The following SRSF12 variants were observed in gnomAD, a reference collection of about 807,000 sequenced individuals.
The protein encoded by SRSF12 is serine and arginine rich splicing factor 12.
A neutral mutation model predicts 34.1 loss-of-function variants in SRSF12; 21 were observed. The ratio of observed to expected loss-of-function variants is 0.62; its 90% CI spans 0.44 to 0.89. The LOEUF (loss-of-function observed/expected upper bound fraction) is 0.89. Ranked by LOEUF, SRSF12 falls within the 40% of genes least tolerant of loss-of-function variation. The probability of loss-of-function intolerance (pLI) is 0.00; values close to 1 mark genes in which losing one functional copy is unlikely to be tolerated. For synonymous variants in SRSF12, 111 were observed against 110.8 expected, an observed-to-expected ratio of 1.00 and a Z score of -0.01; for missense variants, 278 against 327.8, an observed-to-expected ratio of 0.85 and a Z score of 1.17.
chr6:89,108,579 G>T (rs1318394583), intron 1 of SRSF12, among the ~76,000 whole-genome samples: 1 of 152,176 alleles, frequency 6.6e-6, no homozygotes. Flanking sequence ...TGTGGCTCGG[G>T]AGAAATAAAG....
In SRSF12 at chr6:89,105,140, C is replaced by G; in HGVS notation, c.395G>C (p.Arg132Thr). 2 of 1,612,670 alleles carry G rather than the reference C, an allele frequency of 1.2e-6. No individual in the cohort carries two copies. The highest frequency in any genetic ancestry group is 1.1e-5 in the South Asian group (1 of 90,872). Residue 132 changes from arginine (R) to threonine (T), a missense_variant, in exon 4 of 5, where the codon AGG (arginine) becomes ACG (threonine). By Grantham distance (71) the Arg-to-Thr change is moderately conservative (BLOSUM62 -1). Transcript: ENST00000452027. ...SRSSSWGRNR[R>T]RSDSLKESRH... is the part of the protein sequence containing the mutation. ...TCACTCTTTAAGGCTGTCTGACCGC[C>G]TCCTATTTCTTCCCCATGAAGAACT... is the stretch of plus-strand genomic sequence containing the variant.
At chr6:89,107,106 G>A (rs775752730) in intron 2 of SRSF12, 48 bp downstream of exon 2, 1 of 1,453,858 alleles carries the variant, frequency 6.9e-7, no homozygotes, top group Non-Finnish European at 9.7e-7. Flanking sequence ...ATATGTATAA[G>A]CACGCATATA....
chr6:89,111,776 A>T (rs1050957137), intron 1 of SRSF12, among the ~76,000 whole-genome samples: 6 of 152,128 alleles, frequency 3.9e-5, no homozygotes, highest in Non-Finnish European at 8.8e-5. Flanking sequence ...TTTATAGCTG[A>T]CATTTATTAG....
chr6:89,105,143 C>T lies in SRSF12; in HGVS notation c.392G>A (p.Arg131Lys). The change falls in exon 4 of 5, where the codon AGG becomes AAG. Residue 131 changes from arginine (R) to lysine (K), a missense_variant. By Grantham distance (26) the Arg-to-Lys change is conservative. Coordinates refer to ENST00000452027, the MANE Select transcript of SRSF12 (RefSeq NM_080743.5). The part of the protein sequence containing the change: ...RSRSSSWGRN[R>K]RRSDSLKESR... ...CTCTTTAAGGCTGTCTGACCGCCTC[C>T]TATTTCTTCCCCATGAAGAACTTCT... 6.2e-7 allele frequency: 1 copy of T among 1,612,630 alleles called. No homozygotes were observed. Among genetic ancestry groups the T allele is most frequent in the Non-Finnish European group, 8.5e-7 (1 of 1,179,132 alleles).
At position 89,098,598 on chromosome 6, in the gene SRSF12, G is replaced by T; in HGVS notation, c.766C>A (p.Arg256Ser). The T allele has an allele frequency of 6.2e-7, 1 of 1,611,284 alleles. No homozygotes were observed. Among genetic ancestry groups the T allele is most frequent in the South Asian group, 1.1e-5 (1 of 90,874 alleles). ...GCTGTTCACCAACTGTTTTTATGAC[G>T]ATAACTTCGAGATCTGGAATGTGAC... ...FRSHSRSRSY[R>S]HKNSW Residue 256 changes from arginine to serine, a missense_variant, in exon 5 of 5, where the codon CGT becomes AGT. Physicochemically the swap from Arg to Ser is moderately radical, Grantham distance 110 (BLOSUM62 -1). Coordinates refer to ENST00000452027, the MANE Select transcript of SRSF12 (RefSeq NM_080743.5).
In SRSF12 at chr6:89,105,206, C is replaced by A; in HGVS notation, c.329G>T (p.Arg110Met). ...ERHPCSPSDH[R>M]RSRSPSQRRT... is the part of the protein sequence containing the mutation. Reference sequence around the variant, plus strand: ...TCTTTGGCTGGGGCTTCTTGATCTCCTGTGATCACTTGGAGAACAAGGATG... The same window carrying A: ...TCTTTGGCTGGGGCTTCTTGATCTCATGTGATCACTTGGAGAACAAGGATG... The change falls in exon 4 of 5, where the codon AGG becomes ATG. Residue 110 changes from arginine (R) to methionine (M), a missense_variant. Transcript: ENST00000452027. 3 of 1,612,364 alleles carry A rather than the reference C, an allele frequency of 1.9e-6. No homozygotes were observed. Among genetic ancestry groups the A allele is most frequent in the Non-Finnish European group, 2.5e-6 (3 of 1,179,040 alleles).
At chr6:89,115,533 C>T (rs922490219) in intron 1 of SRSF12, among the ~76,000 whole-genome samples, 3 of 152,098 alleles carry the variant, frequency 2.0e-5, no homozygotes, top group African/African-American at 7.2e-5. Context: ...CCGCCGAACT[C>T]GGTCTCCTAA....
chr6:89,113,785 G>T (rs934748842), intron 1 of SRSF12, among the ~76,000 whole-genome samples: 1 of 152,066 alleles, frequency 6.6e-6, no homozygotes, highest in South Asian at 2.1e-4. Flanking sequence ...CTGAACTACA[G>T]GTGCGCACTA....
At position 89,098,416 on chromosome 6, in the gene SRSF12, C is replaced by A; in HGVS notation, c.*162G>T. Reference sequence around the variant, plus strand: ...TAGTGTGGGCCCTTTAAATGGAGACCAAATTTTTATTAATCCAAAGCTAGA... The same window carrying A: ...TAGTGTGGGCCCTTTAAATGGAGACAAAATTTTTATTAATCCAAAGCTAGA... On this transcript the variant is annotated 3_prime_UTR_variant, in exon 5 of 5. Coordinates refer to ENST00000452027, the MANE Select transcript of SRSF12 (RefSeq NM_080743.5). The A allele has an allele frequency of 1.1e-6, 1 of 928,948 alleles. No individual in the cohort carries two copies. Among genetic ancestry groups the A allele is most frequent in the Non-Finnish European group, 1.5e-6 (1 of 675,994 alleles). 57.5% of individuals were successfully genotyped at this position (928,948 alleles called of 1,614,324 possible). A position where few individuals can be genotyped will look rare whatever the true frequency, so the allele number is the denominator to read the frequency against.
intron 4 of SRSF12, among the ~76,000 whole-genome samples, chr6:89,101,917 G>A (rs1460410398): frequency 6.6e-6 from 1 of 150,874 alleles, no homozygotes; most frequent in Non-Finnish European, 1.5e-5. Flanking sequence ...GATGTTTTCA[G>A]ACAAAAGCTG....
At chr6:89,103,962 C>T (rs1202929406) in intron 4 of SRSF12, among the ~76,000 whole-genome samples, 4 of 150,116 alleles carry the variant, frequency 2.7e-5, no homozygotes, top group Non-Finnish European at 5.9e-5. Context: ...TTTAGTCAAC[C>T]ACCTTTCACA....
At chr6:89,104,222 C>A (rs1388400971) in intron 4 of SRSF12, among the ~76,000 whole-genome samples, 1 of 77,724 alleles carries the variant, frequency 1.3e-5, no homozygotes, top group Non-Finnish European at 2.7e-5. Context: ...AAACTCATCA[C>A]CTTTTTTTTT....
Position 89,098,308 on chromosome 6 carries a change from A to T in SRSF12, c.*270T>A, listed in dbSNP as rs1659968882. On this transcript the variant is annotated 3_prime_UTR_variant, in exon 5 of 5. Coordinates refer to ENST00000452027, the MANE Select transcript of SRSF12 (RefSeq NM_080743.5). ...TTTAAAAATTAGTTCCAGTTTACTCATTTCCCTTGAAAAGTACCCTTCTGC... is the reference window on the plus strand; with the variant it reads ...TTTAAAAATTAGTTCCAGTTTACTCTTTTCCCTTGAAAAGTACCCTTCTGC... 2 of 304,556 alleles carry T rather than the reference A, an allele frequency of 6.6e-6. No homozygotes were observed. The allele number at this position is 304,556 out of a possible 1,614,324, so 18.9% of individuals were successfully genotyped here.
intron 1 of SRSF12, among the ~76,000 whole-genome samples, chr6:89,110,851 G>T (rs1192106847): frequency 1.3e-5 from 2 of 152,088 alleles, no homozygotes; most frequent in Non-Finnish European, 2.9e-5. Flanking sequence ...CATGGTGGCT[G>T]ATACCTGCAA....
chr6:89,113,375 T>C (rs1334093875), intron 1 of SRSF12, among the ~76,000 whole-genome samples: 1 of 152,198 alleles, frequency 6.6e-6, no homozygotes, highest in Non-Finnish European at 1.5e-5. Context: ...GGTTTCACCA[T>C]ATTGGCCAGG....
intron 4 of SRSF12, among the ~76,000 whole-genome samples, chr6:89,102,295 C>A (rs7776100): frequency 0.063 from 9,540 of 152,010 alleles, 869 homozygotes; most frequent in African/African-American, 0.2. Flanking sequence ...AGGCACGTGC[C>A]ACCATACCTG....
In SRSF12 at chr6:89,098,542, A is replaced by G. The variant is rs769970832; in HGVS notation, c.*36T>C. On this transcript the variant is annotated 3_prime_UTR_variant, in exon 5 of 5. Coordinates refer to ENST00000452027, the MANE Select transcript of SRSF12 (RefSeq NM_080743.5). Reference sequence around the variant, plus strand: ...TAACATAATGAGAGTTTAATAACTTATATTAAAGACGGCGTGGTGCTCTTT... The same window carrying G: ...TAACATAATGAGAGTTTAATAACTTGTATTAAAGACGGCGTGGTGCTCTTT... The G allele has an allele frequency of 1.3e-6, 2 of 1,553,732 alleles. No individual in the cohort carries two copies. The highest frequency in any genetic ancestry group is 1.2e-5 in the South Asian group (1 of 80,364).
rs1209340314 is a variant in SRSF12, at chr6:89,105,472, A to C, written c.229T>G (p.Cys77Gly). 1 of 1,611,906 alleles carries C rather than the reference A, an allele frequency of 6.2e-7. No homozygotes were observed. Among genetic ancestry groups the C allele is most frequent in the Non-Finnish European group, 8.5e-7 (1 of 1,179,274 alleles). ...ALYNLNRKWV[C>G]GRQIEIQFAQ... ...AACTGTATTTCAATCTGACGGCCAC[A>C]TACCCACTTTCTATTGAGGTTATAA... Residue 77 changes from cysteine (C) to glycine (G), a missense_variant, in exon 3 of 5, where the codon TGT becomes GGT. Coordinates refer to ENST00000452027, the MANE Select transcript of SRSF12 (RefSeq NM_080743.5).
chr6:89,096,022 T>C lies in SRSF12; in HGVS notation c.*2556A>G, dbSNP rs1768277745. The C allele has an allele frequency of 6.6e-6, 1 of 152,178 alleles. No homozygotes were observed. Among genetic ancestry groups the C allele is most frequent in the Non-Finnish European group, 1.5e-5 (1 of 68,028 alleles). 9.4% of individuals were successfully genotyped at this position (152,178 alleles called of 1,614,324 possible). On this transcript the variant is annotated 3_prime_UTR_variant, in exon 5 of 5. Coordinates refer to ENST00000452027, the MANE Select transcript of SRSF12 (RefSeq NM_080743.5). ...CTCTCTTAAATGGGCCAAGAAACAA[T>C]TCTATGACAAAAGTGAACCCTGGAA...
Sources: gnomAD v4.1 joint callset for allele counts (sites outside exome capture counted in the v4.1 genomes callset) on GRCh38, gnomAD v4.1.1 for gene constraint, MANE v1.5 for transcripts, NCBI Gene and HGNC (gene_info 2026-07-23, HGNC 2026-07-21) for gene names.